CRACDL: variants seen among roughly 807,000 people sequenced by gnomAD.
CRACDL encodes CRACD like, also known as CRACD-like protein.
A neutral mutation model predicts 70.6 loss-of-function variants in CRACDL; 26 were observed. The observed-to-expected ratio is 0.37, with a 90% CI of 0.27 to 0.51. The LOEUF (loss-of-function observed/expected upper bound fraction) is 0.51. Ranked by LOEUF, CRACDL falls within the 20% of genes least tolerant of loss-of-function variation. The pLI, the probability that CRACDL is intolerant of heterozygous loss-of-function variation, is 0.94. For missense variants in CRACDL, 1,283 were observed against 1,376.9 expected (o/e 0.93, Z 1.08); for synonymous variants, 618 against 615.2 (o/e 1.00, Z -0.07).
At chr2:98,909,414 T>A (rs912292962) in intron 1 of CRACDL, among the ~76,000 whole-genome samples, 1 of 152,170 alleles carries the variant, frequency 6.6e-6, no homozygotes, top group Non-Finnish European at 1.5e-5. Flanking sequence ...AAACCCTTAT[T>A]ACAAATCTGA....
intron 7 of CRACDL, among the ~76,000 whole-genome samples, chr2:98,799,795 C>T (rs1177005451): frequency 6.6e-6 from 1 of 152,174 alleles, no homozygotes; most frequent in Non-Finnish European, 1.5e-5. Context: ...CAAGCCTGGT[C>T]CTCAACCTGC....
At chr2:98,861,992 C>A (rs1481325417) in intron 1 of CRACDL, among the ~76,000 whole-genome samples, 2 of 152,176 alleles carry the variant, frequency 1.3e-5, no homozygotes, top group Non-Finnish European at 2.9e-5. Context: ...TGTTGTTGCA[C>A]CTCTCCCCAT....
intron 1 of CRACDL, among the ~76,000 whole-genome samples, chr2:98,930,001 G>C (rs763413623): frequency 3.3e-5 from 5 of 152,092 alleles, no homozygotes; most frequent in Admixed American, 6.5e-5. Flanking sequence ...TTACCCAGAG[G>C]AACCTGATAT....
intron 1 of CRACDL, among the ~76,000 whole-genome samples, chr2:98,863,448 G>T (rs528164896): frequency 6.6e-6 from 1 of 152,162 alleles, no homozygotes; most frequent in Non-Finnish European, 1.5e-5. Flanking sequence ...TAACTTGAAG[G>T]CATATAAAGA....
chr2:98,798,098 C>G (rs1288151957), intron 7 of CRACDL, among the ~76,000 whole-genome samples: 1 of 152,288 alleles, frequency 6.6e-6, no homozygotes, highest in South Asian at 2.1e-4. Context: ...AATCCCAACT[C>G]TCTGGAAGGC....
At chr2:98,915,603 G>T (rs1708645074) in intron 1 of CRACDL, among the ~76,000 whole-genome samples, 1 of 152,184 alleles carries the variant, frequency 6.6e-6, no homozygotes, top group Admixed American at 6.5e-5. Context: ...GAGCCACAGA[G>T]TGATGGTAGG....
intron 1 of CRACDL, among the ~76,000 whole-genome samples, chr2:98,869,870 T>C (rs542267936): frequency 7.2e-5 from 11 of 152,326 alleles, no homozygotes; most frequent in Admixed American, 2.0e-4. Flanking sequence ...GCCTTCCCAA[T>C]GCTCCTTTAC....
chr2:98,862,131 CA>C (rs1297322457), intron 1 of CRACDL, among the ~76,000 whole-genome samples: 1 of 152,158 alleles, frequency 6.6e-6, no homozygotes, highest in Non-Finnish European at 1.5e-5. Context: ...CACTCAAAAG[CA>C]ACTACATAAG....
At chr2:98,837,974 A>T in intron 3 of CRACDL, 145 bp downstream of exon 3, 1 of 641,906 alleles carries the variant, frequency 1.6e-6, no homozygotes, top group Non-Finnish European at 2.5e-6. Flanking sequence ...CTAGGTTTGA[A>T]AAGACAGAAA....
intron 1 of CRACDL, among the ~76,000 whole-genome samples, chr2:98,896,539 A>G (rs1396559185): frequency 6.6e-6 from 1 of 152,194 alleles, no homozygotes; most frequent in Non-Finnish European, 1.5e-5. Flanking sequence ...TCTTTTATGC[A>G]GCAGAGGAAA....
chr2:98,916,102 T>C (rs898257999), intron 1 of CRACDL, among the ~76,000 whole-genome samples: 9 of 152,258 alleles, frequency 5.9e-5, no homozygotes, highest in Admixed American at 2.6e-4. Context: ...GAGACTTTCC[T>C]AATTATCAAG....
intron 7 of CRACDL, among the ~76,000 whole-genome samples, chr2:98,820,999 G>A (rs1466001925): frequency 6.6e-6 from 1 of 152,198 alleles, no homozygotes; most frequent in Non-Finnish European, 1.5e-5. Context: ...GAGTACACAT[G>A]TCCTGGGATT....
chr2:98,935,761 C>G (rs898046428), intron 1 of CRACDL, among the ~76,000 whole-genome samples, 177 bp downstream of exon 1: 1 of 152,186 alleles, frequency 6.6e-6, no homozygotes, highest in Non-Finnish European at 1.5e-5. Flanking sequence ...AGGAGCTGCC[C>G]AGGGCTTCGG....
At position 98,822,858 on chromosome 2, in the gene CRACDL, G is replaced by A. The variant is rs199921451; in HGVS notation, c.1415C>T (p.Ala472Val). 2.1e-6 allele frequency: 3 copies of A among 1,457,826 alleles called. No homozygotes were observed. In the African/African-American group the frequency reaches 4.4e-5, roughly 22 times the overall value. 90.3% of individuals were successfully genotyped at this position (1,457,826 alleles called of 1,614,324 possible). The part of the protein sequence containing the change: ...REAETEPERG[A>V]GTEPERIGTE... ...CCCAATTCTCTCGGGCTCGGTCCCC[G>A]CTCCTCTCTCGGGCTCCGTCTCCGC... Residue 472 changes from alanine (A) to valine (V), a missense_variant, in exon 7 of 10, where the codon GCG (alanine) becomes GTG (valine). Physicochemically the swap from Ala to Val is moderately conservative, Grantham distance 64 (BLOSUM62 0). Around this residue, in one of 2 missense-constraint regions of CRACDL, gnomAD observed 921 missense variants for 881.9 expected, o/e 1.04. Coordinates refer to ENST00000397899, the MANE Select transcript of CRACDL (RefSeq NM_207362.3). This position sits in a 1 kb window ranked among gnomAD's most constrained non-coding sequence, Gnocchi z 4.9.
chr2:98,920,503 C>T (rs925814990), intron 1 of CRACDL, among the ~76,000 whole-genome samples: 52 of 152,280 alleles, frequency 3.4e-4, no homozygotes, highest in African/African-American at 1.2e-3. Flanking sequence ...CACTTTCCTG[C>T]GGGACACAGG....
At chr2:98,852,974 GGA>G (rs746840395) in intron 1 of CRACDL, among the ~76,000 whole-genome samples, 29 of 127,704 alleles carry the variant, frequency 2.3e-4, no homozygotes, top group Middle Eastern at 3.7e-3. Context: ...GGTGGGTGCG[GGA>G]GAGAGAGAGA....
Position 98,823,649 on chromosome 2 carries a change from G to A in CRACDL, c.736-112C>T. ...GGTTTAGTGATAGCAGCACTATAAA[G>A]CTGGCACTTAAGTAGGCATGTACCC... On this transcript the variant is annotated intron_variant, in intron 6 of 9. Coordinates refer to ENST00000397899, the MANE Select transcript of CRACDL (RefSeq NM_207362.3). The surrounding 1 kb of genome is among the most constrained non-coding windows in gnomAD (Gnocchi z 4.0). 7.4e-7 allele frequency: 1 copy of A among 1,356,822 alleles called. No homozygotes were observed. Among genetic ancestry groups the A allele is most frequent in the Admixed American group, 2.1e-5 (1 of 48,414 alleles). 84.0% of individuals were successfully genotyped at this position (1,356,822 alleles called of 1,614,324 possible). A position where few individuals can be genotyped will look rare whatever the true frequency, so the allele number is the denominator to read the frequency against.
intron 3 of CRACDL, among the ~76,000 whole-genome samples, chr2:98,836,309 G>A (rs1705779766): frequency 6.6e-6 from 1 of 152,106 alleles, no homozygotes; most frequent in African/African-American, 2.4e-5. Context: ...AGAAGTTGCC[G>A]CAGACTCTCC....
chr2:98,876,880 C>A (rs1707500280), intron 1 of CRACDL, among the ~76,000 whole-genome samples: 1 of 152,190 alleles, frequency 6.6e-6, no homozygotes, highest in African/African-American at 2.4e-5. Context: ...AGTAAATGGT[C>A]ACAGACTTAA....
Sources: allele counts gnomAD v4.1 joint callset (sites outside exome capture counted in the v4.1 genomes callset), GRCh38; gene constraint gnomAD v4.1.1; regional missense constraint gnomAD v4.1.1; non-coding constraint Gnocchi (gnomAD v3.1); transcripts MANE v1.5; gene names NCBI Gene and HGNC (gene_info 2026-07-23, HGNC 2026-07-21).